The following TOX variants were observed in gnomAD, a reference collection of about 807,000 sequenced individuals.
TOX encodes thymocyte selection-associated high mobility group box protein TOX.
In TOX, 11 loss-of-function variants were observed where a neutral mutation model predicts 53.7. The ratio of observed to expected loss-of-function variants is 0.20; its 90% CI spans 0.13 to 0.34. TOX has a LOEUF of 0.34. Ranked by LOEUF, TOX falls within the 10% of genes least tolerant of loss-of-function variation. The pLI is 1.00. For synonymous variants in TOX, 225 were observed against 245.3 expected (o/e 0.92, Z 0.77); for missense variants, 570 against 664.6 (o/e 0.86, Z 1.56).
At chr8:58,818,654 C>T (rs917368550) in intron 6 of TOX, among the ~76,000 whole-genome samples, 3 of 152,134 alleles carry the variant, frequency 2.0e-5, no homozygotes, top group Non-Finnish European at 4.4e-5. Context: ...CACCATTGCC[C>T]TTGCTGACTT....
At chr8:58,899,189 T>A (rs1000307927) in intron 3 of TOX, among the ~76,000 whole-genome samples, 1 of 152,246 alleles carries the variant, frequency 6.6e-6, no homozygotes, top group Non-Finnish European at 1.5e-5. Context: ...GCTAACATAA[T>A]CATTTCTCAG....
chr8:58,902,043 T>C (rs1238503502), intron 3 of TOX, among the ~76,000 whole-genome samples: 5 of 152,204 alleles, frequency 3.3e-5, no homozygotes, highest in Non-Finnish European at 7.3e-5. Context: ...TTAAGCATTA[T>C]TTTCATTTTC....
intron 4 of TOX, among the ~76,000 whole-genome samples, chr8:58,844,633 A>G (rs1248818620): frequency 2.6e-5 from 4 of 152,148 alleles, no homozygotes; most frequent in Non-Finnish European, 4.4e-5. Context: ...CAGTGGGCAG[A>G]GGCTTAGACT....
At chr8:58,974,763 T>C (rs1016243946) in intron 1 of TOX, among the ~76,000 whole-genome samples, 1 of 152,110 alleles carries the variant, frequency 6.6e-6, no homozygotes, top group Admixed American at 6.5e-5. Context: ...AAATTACCGA[T>C]TTGTTAGTTA....
At chr8:58,966,302 C>T (rs1469470320) in intron 1 of TOX, among the ~76,000 whole-genome samples, 2 of 152,148 alleles carry the variant, frequency 1.3e-5, no homozygotes, top group Admixed American at 6.5e-5. Flanking sequence ...GGAAAGAGAC[C>T]AGACTGAGCC....
intron 1 of TOX, among the ~76,000 whole-genome samples, chr8:59,113,306 G>A (rs895216358): frequency 2.6e-5 from 4 of 152,084 alleles, no homozygotes; most frequent in Non-Finnish European, 4.4e-5. Flanking sequence ...GGTGTGGAAG[G>A]GACACTATGA....
At chr8:58,816,163 CAA>C (rs1257460225) in intron 6 of TOX, among the ~76,000 whole-genome samples, 1 of 152,132 alleles carries the variant, frequency 6.6e-6, no homozygotes, top group Non-Finnish European at 1.5e-5. Context: ...TTTATATTCT[CAA>C]AGAGACTTGG....
intron 3 of TOX, among the ~76,000 whole-genome samples, chr8:58,881,134 G>A (rs973118036): frequency 6.6e-6 from 1 of 152,036 alleles, no homozygotes; most frequent in East Asian, 1.9e-4. Context: ...GGATTTCACC[G>A]ACCACAAAGT....
At chr8:58,940,682 T>C (rs1812423692) in intron 2 of TOX, among the ~76,000 whole-genome samples, 1 of 152,156 alleles carries the variant, frequency 6.6e-6, no homozygotes. Context: ...CCTGCTCAAG[T>C]GTGCAAGATT....
intron 1 of TOX, among the ~76,000 whole-genome samples, chr8:58,961,924 C>T (rs752788118): frequency 2.0e-5 from 3 of 152,354 alleles, no homozygotes; most frequent in Non-Finnish European, 4.4e-5. Context: ...TCTCCACCCA[C>T]TGTTGGAGTA....
At chr8:59,099,506 A>G (rs1328838808) in intron 1 of TOX, among the ~76,000 whole-genome samples, 1 of 152,094 alleles carries the variant, frequency 6.6e-6, no homozygotes, top group East Asian at 1.9e-4. Context: ...ACATTTAAGC[A>G]CTGTGAAAAA....
At chr8:59,036,747 G>C (rs1814466329) in intron 1 of TOX, among the ~76,000 whole-genome samples, 1 of 152,162 alleles carries the variant, frequency 6.6e-6, no homozygotes, top group Non-Finnish European at 1.5e-5. Flanking sequence ...TGATCTCACT[G>C]ATTCTTCATA....
intron 3 of TOX, among the ~76,000 whole-genome samples, chr8:58,937,926 A>G (rs1464996988): frequency 1.3e-5 from 2 of 152,162 alleles, no homozygotes; most frequent in Non-Finnish European, 2.9e-5. Context: ...GACTACACTG[A>G]AATACATTTT....
At chr8:59,028,113 G>A (rs1814278459) in intron 1 of TOX, among the ~76,000 whole-genome samples, 1 of 152,180 alleles carries the variant, frequency 6.6e-6, no homozygotes, top group African/African-American at 2.4e-5. Flanking sequence ...TAAAATAGCA[G>A]TGAGCTCCCC....
chr8:58,870,265 A>C (rs893293814), intron 3 of TOX, among the ~76,000 whole-genome samples: 28 of 152,154 alleles, frequency 1.8e-4, no homozygotes, highest in African/African-American at 6.8e-4. Flanking sequence ...CAGGAGTGAA[A>C]ATTTGGAATT....
intron 3 of TOX, among the ~76,000 whole-genome samples, chr8:58,911,667 A>C (rs1359554657): frequency 6.6e-6 from 1 of 152,146 alleles, no homozygotes; most frequent in Non-Finnish European, 1.5e-5. Context: ...ATCTCTGAGC[A>C]GAAAAAAACA....
At chr8:59,056,378 G>C (rs774707209) in intron 1 of TOX, among the ~76,000 whole-genome samples, 1 of 131,110 alleles carries the variant, frequency 7.6e-6, no homozygotes, top group South Asian at 2.4e-4. Context: ...GTTGCAGTGA[G>C]CTATGATCGT....
intron 3 of TOX, among the ~76,000 whole-genome samples, chr8:58,937,164 G>A (rs1812359491): frequency 6.6e-6 from 1 of 152,188 alleles, no homozygotes; most frequent in African/African-American, 2.4e-5. Flanking sequence ...GAGGGGTACT[G>A]GGAAGGCTTG....
At chr8:59,024,756 GAAAAA>G (rs374132580) in intron 1 of TOX, among the ~76,000 whole-genome samples, 1 of 146,052 alleles carries the variant, frequency 6.8e-6, no homozygotes, top group Non-Finnish European at 1.5e-5. Flanking sequence ...CCCCGAAAAA[GAAAAA>G]AAAAAGTGTC....
Sources: gnomAD v4.1 joint callset for allele counts (sites outside exome capture counted in the v4.1 genomes callset) on GRCh38, gnomAD v4.1.1 for gene constraint, MANE v1.5 for transcripts, NCBI Gene and HGNC (gene_info 2026-07-23, HGNC 2026-07-21) for gene names.